The following AGPAT4 variants were observed in gnomAD, a reference collection of about 807,000 sequenced individuals.
The protein encoded by AGPAT4 is 1-acylglycerol-3-phosphate O-acyltransferase 4.
Under a neutral mutation model 48.0 loss-of-function variants are expected in AGPAT4, and 15 were observed. That is an observed-to-expected ratio of 0.31 (90% confidence interval 0.21 to 0.48). The LOEUF is 0.48. Among genes scored for constraint, AGPAT4 ranks in the 20% least tolerant of loss-of-function variants. The probability of loss-of-function intolerance (pLI) is 0.99; values close to 1 mark genes in which losing one functional copy is unlikely to be tolerated. For synonymous variants in AGPAT4, 178 were observed against 198.7 expected, an observed-to-expected ratio of 0.90 and a Z score of 0.88; for missense variants, 314 against 482.5, an observed-to-expected ratio of 0.65 and a Z score of 3.27.
rs1273334835 is a variant in AGPAT4, at chr6:161,238,489, T to G, written c.-89-6187A>C. Among the ~76,000 whole-genome samples, 1 of 152,238 alleles carries G rather than the reference T, an allele frequency of 6.6e-6. No homozygotes were observed. On this transcript the variant is annotated intron_variant, in intron 1 of 8. Coordinates refer to ENST00000320285, the MANE Select transcript of AGPAT4 (RefSeq NM_020133.3). The surrounding 1 kb of genome is among the most constrained non-coding windows in gnomAD (Gnocchi z 5.2). ...CTAGATCAAGACATTGTCTTTAATT[T>G]ACCTGTAATGTGTTAAAGCATCCTC...
chr6:161,250,556 T>A (rs1432734615), intron 1 of AGPAT4, among the ~76,000 whole-genome samples: 1 of 152,172 alleles, frequency 6.6e-6, no homozygotes, highest in Non-Finnish European at 1.5e-5. Flanking sequence ...AATAGTGCAA[T>A]GTTTAGCAAT....
At position 161,231,941 on chromosome 6, in the gene AGPAT4, A is replaced by T. The variant is rs1468331062; in HGVS notation, c.178+95T>A. 7.8e-7 allele frequency: 1 copy of T among 1,289,244 alleles called. No individual in the cohort carries two copies. The highest frequency in any genetic ancestry group is 1.5e-5 in the African/African-American group (1 of 67,332). The allele number at this position is 1,289,244 out of a possible 1,614,324, so 79.9% of individuals were successfully genotyped here. On this transcript the variant is annotated intron_variant, in intron 2 of 8. Transcript: ENST00000320285. This position sits in a 1 kb window ranked among gnomAD's most constrained non-coding sequence, Gnocchi z 5.3. ...AAACAAAACAAAAAAACAGCTCGGC[A>T]CACAACGAAAGCCTAGTGAATCCAT...
In AGPAT4 at chr6:161,259,181, A is replaced by G. The variant is rs538870857; in HGVS notation, c.-90+14757T>C. On this transcript the variant is annotated intron_variant, in intron 1 of 8. Coordinates refer to ENST00000320285, the MANE Select transcript of AGPAT4 (RefSeq NM_020133.3). The surrounding 1 kb of genome is among the most constrained non-coding windows in gnomAD (Gnocchi z 4.9). ...GTTATGATATACGTTTACACCGTGA[A>G]ATGATTAAATGAAGCTCGCTAACGT... Among the ~76,000 whole-genome samples, 1 of 152,300 alleles carries G rather than the reference A, an allele frequency of 6.6e-6. No homozygotes were observed. Among genetic ancestry groups the G allele is most frequent in the Admixed American group, 6.5e-5 (1 of 15,294 alleles).
chr6:161,130,645 AAG>A lies in AGPAT4; in HGVS notation c.*5893_*5894del, dbSNP rs1778870694. 1.5e-5 allele frequency: 4 copies of A among 272,896 alleles called. No individual in the cohort carries two copies. The highest frequency in any genetic ancestry group is 3.9e-5 in the South Asian group (1 of 25,960). The allele number at this position is 272,896 out of a possible 1,614,324, so 16.9% of individuals were successfully genotyped here. A position where few individuals can be genotyped will look rare whatever the true frequency, so the allele number is the denominator to read the frequency against. On this transcript the variant is annotated 3_prime_UTR_variant, in exon 9 of 9. Coordinates refer to ENST00000320285, the MANE Select transcript of AGPAT4 (RefSeq NM_020133.3). ...TCTCTTTCCTTGATAGAACAAGCAA[AAG>A]AGGGGCTGATCCATCTCCCGTGAAC...
In AGPAT4 at chr6:161,235,069, T is replaced by C. The variant is rs945049292; in HGVS notation, c.-89-2767A>G. Among the ~76,000 whole-genome samples, 7 of 151,984 alleles carry C rather than the reference T, an allele frequency of 4.6e-5. No homozygotes were observed. Among genetic ancestry groups the C allele is most frequent in the Non-Finnish European group, 1.0e-4 (7 of 68,020 alleles). On this transcript the variant is annotated intron_variant, in intron 1 of 8. Transcript: ENST00000320285. This position sits in a 1 kb window ranked among gnomAD's most constrained non-coding sequence, Gnocchi z 6.2. ...TTGAGTTTCAGCTCCACTTCTGTCC[T>C]CAAGGCCCATTTCCTAGCCTGGTGT...
In AGPAT4 at chr6:161,144,790, C is replaced by T. The variant is rs1012195984; in HGVS notation, c.843+1734G>A. Among the ~76,000 whole-genome samples, 15 of 152,124 alleles carry T rather than the reference C, an allele frequency of 9.9e-5. No individual in the cohort carries two copies. Among genetic ancestry groups the T allele is most frequent in the Admixed American group, 9.2e-4 (14 of 15,278 alleles). The stretch of plus-strand genomic sequence containing the variant: ...CCTTGTGAGATCGAGACCATCCTGG[C>T]AAACACGGTGAAACCCCGTCTCTAC... On this transcript the variant is annotated intron_variant, in intron 7 of 8. Coordinates refer to ENST00000320285, the MANE Select transcript of AGPAT4 (RefSeq NM_020133.3). The surrounding 1 kb of genome is among the most constrained non-coding windows in gnomAD (Gnocchi z 6.6).
rs1212150976 is a variant in AGPAT4 at position 161,134,496 on chromosome 6, G to C, written c.*2044C>G. ...TTTCTAGTCTTTCATCCTTGGCTTA[G>C]TGCTTTAGGATTCTTAAAGTGTGCT... On this transcript the variant is annotated 3_prime_UTR_variant, in exon 9 of 9. Transcript: ENST00000320285. The C allele has an allele frequency of 2.0e-5, 3 of 152,120 alleles. No homozygotes were observed. In the South Asian group the frequency reaches 6.2e-4, roughly 32 times the overall value. The allele number at this position is 152,120 out of a possible 1,614,324, so 9.4% of individuals were successfully genotyped here.
At position 161,216,034 on chromosome 6, in the gene AGPAT4, T is replaced by C. The variant is rs1583336985; in HGVS notation, c.178+16002A>G. On this transcript the variant is annotated intron_variant, in intron 2 of 8. Transcript: ENST00000320285. The surrounding 1 kb of genome is among the most constrained non-coding windows in gnomAD (Gnocchi z 4.8). Reference sequence around the variant, plus strand: ...CCTCTCTTAACCGCACCATGTCCAGTTGACGAGGATTAAAGAAAACAAACA... The same window carrying C: ...CCTCTCTTAACCGCACCATGTCCAGCTGACGAGGATTAAAGAAAACAAACA... Among the ~76,000 whole-genome samples the C allele has an allele frequency of 2.0e-5, 3 of 152,310 alleles. No homozygotes were observed. In the South Asian group the frequency reaches 6.2e-4, roughly 32 times the overall value.
rs1020042843 is a variant in AGPAT4, at chr6:161,235,495, T to C, written c.-89-3193A>G. Among the ~76,000 whole-genome samples, 6 of 152,200 alleles carry C rather than the reference T, an allele frequency of 3.9e-5. No homozygotes were observed. The highest frequency in any genetic ancestry group is 9.6e-5 in the African/African-American group (4 of 41,456). ...ACATACGTCTTAAGTTCATTCCAGA[T>C]AGACGTTTTGGGGACCCATCTGGAT... On this transcript the variant is annotated intron_variant, in intron 1 of 8. Coordinates refer to ENST00000320285, the MANE Select transcript of AGPAT4 (RefSeq NM_020133.3). This position sits in a 1 kb window ranked among gnomAD's most constrained non-coding sequence, Gnocchi z 6.2.
rs12210088 is a variant in AGPAT4, at chr6:161,230,472, A to G, written c.178+1564T>C. ...AATAGAGACCAACTGCTAGAGGGTAAAAAGACATTTAAAATTATAAACATC... is the reference window on the plus strand; with the variant it reads ...AATAGAGACCAACTGCTAGAGGGTAGAAAGACATTTAAAATTATAAACATC... On this transcript the variant is annotated intron_variant, in intron 2 of 8. Coordinates refer to ENST00000320285, the MANE Select transcript of AGPAT4 (RefSeq NM_020133.3). 5.2e-3 allele frequency among the ~76,000 whole-genome samples: 796 copies of G among 152,378 alleles called. 5 individuals are homozygous for G. The highest frequency in any genetic ancestry group is 9.2e-3 in the Non-Finnish European group (629 of 68,030).
Position 161,171,332 on chromosome 6 carries a change from T to C in AGPAT4, c.179-4915A>G, listed in dbSNP as rs1262406990. ...ACAAAGAACAGAGATTTATTTCTTA[T>C]AGTTCTGGAGGCTGGGAAGTCCAAA... is the stretch of plus-strand genomic sequence containing the variant. On this transcript the variant is annotated intron_variant, in intron 2 of 8. Transcript: ENST00000320285. This position sits in a 1 kb window ranked among gnomAD's most constrained non-coding sequence, Gnocchi z 4.4. 1.3e-5 allele frequency among the ~76,000 whole-genome samples: 2 copies of C among 152,244 alleles called. No homozygotes were observed. Among genetic ancestry groups the C allele is most frequent in the East Asian group, 1.9e-4 (1 of 5,202 alleles).
rs761563288 is a variant in AGPAT4 at position 161,155,739 on chromosome 6, C to T, written c.349-1429G>A. ...CTCCAGGGGACTCCGGGAACATCCC[C>T]GTGGGTGGGTGAACCCACTGGTGCG... On this transcript the variant is annotated intron_variant, in intron 3 of 8. Transcript: ENST00000320285. This position sits in a 1 kb window ranked among gnomAD's most constrained non-coding sequence, Gnocchi z 5.8. 1.3e-5 allele frequency among the ~76,000 whole-genome samples: 2 copies of T among 152,234 alleles called. No individual in the cohort carries two copies. Among genetic ancestry groups the T allele is most frequent in the Admixed American group, 6.5e-5 (1 of 15,290 alleles).
chr6:161,229,260 C>T lies in AGPAT4; in HGVS notation c.178+2776G>A, dbSNP rs1352187600. Among the ~76,000 whole-genome samples, 1 of 152,220 alleles carries T rather than the reference C, an allele frequency of 6.6e-6. No homozygotes were observed. The highest frequency in any genetic ancestry group is 6.5e-5 in the Admixed American group (1 of 15,290). On this transcript the variant is annotated intron_variant, in intron 2 of 8. Transcript: ENST00000320285. The surrounding 1 kb of genome is among the most constrained non-coding windows in gnomAD (Gnocchi z 6.0). ...TGCCGTTTCCTTAGAAAATCAGCTG[C>T]AAATCATGAATGCTGATGACTGTCT... is the stretch of plus-strand genomic sequence containing the variant.
chr6:161,158,296 C>T lies in AGPAT4; in HGVS notation c.349-3986G>A, dbSNP rs1254668718. Among the ~76,000 whole-genome samples, 3 of 152,192 alleles carry T rather than the reference C, an allele frequency of 2.0e-5. No homozygotes were observed. Among genetic ancestry groups the T allele is most frequent in the Admixed American group, 2.0e-4 (3 of 15,284 alleles). ...ATGGCTTTCCCAGGCCACTCAGAGG[C>T]TTCCATGTGTGATGCCAACAGCTTT... On this transcript the variant is annotated intron_variant, in intron 3 of 8. Coordinates refer to ENST00000320285, the MANE Select transcript of AGPAT4 (RefSeq NM_020133.3). The surrounding 1 kb of genome is among the most constrained non-coding windows in gnomAD (Gnocchi z 5.3).
At chr6:161,181,965 C>G (rs1780611065) in intron 2 of AGPAT4, among the ~76,000 whole-genome samples, 1 of 152,036 alleles carries the variant, frequency 6.6e-6, no homozygotes, top group African/African-American at 2.4e-5. Flanking sequence ...AATGATAGTC[C>G]CTCTGCAGTA....
chr6:161,161,631 C>G lies in AGPAT4; in HGVS notation c.348+4617G>C. 1 of 371,934 alleles carries G rather than the reference C, an allele frequency of 2.7e-6. No homozygotes were observed. Among genetic ancestry groups the G allele is most frequent in the South Asian group, 2.0e-5 (1 of 50,970 alleles). 23.0% of individuals were successfully genotyped at this position (371,934 alleles called of 1,614,324 possible). A position where few individuals can be genotyped will look rare whatever the true frequency, so the allele number is the denominator to read the frequency against. On this transcript the variant is annotated intron_variant, in intron 3 of 8. Coordinates refer to ENST00000320285, the MANE Select transcript of AGPAT4 (RefSeq NM_020133.3). This position sits in a 1 kb window ranked among gnomAD's most constrained non-coding sequence, Gnocchi z 4.6. ...GTGGGCATATCTGCTGAAAATACCC[C>G]TCCATATCTGGAAACTTCTAACTTC...
In AGPAT4 at chr6:161,165,349, C is replaced by T. The variant is rs1434981648; in HGVS notation, c.348+899G>A. Among the ~76,000 whole-genome samples the T allele has an allele frequency of 6.6e-6, 1 of 152,178 alleles. No homozygotes were observed. On this transcript the variant is annotated intron_variant, in intron 3 of 8. Transcript: ENST00000320285. The surrounding 1 kb of genome is among the most constrained non-coding windows in gnomAD (Gnocchi z 5.5). ...CCAGACCCGTCTAGTTCCCTATGTC[C>T]TCCATGGCCTGATAGCCTCTGTCTC...
chr6:161,223,475 C>T lies in AGPAT4; in HGVS notation c.178+8561G>A, dbSNP rs181224370. On this transcript the variant is annotated intron_variant, in intron 2 of 8. Transcript: ENST00000320285. The surrounding 1 kb of genome is among the most constrained non-coding windows in gnomAD (Gnocchi z 6.3). The stretch of plus-strand genomic sequence containing the variant: ...TTAGGCAAGTCATCCAACCTCTCGC[C>T]TCATTTAACAGGTGAATTGCCTGTT... 6.6e-6 allele frequency among the ~76,000 whole-genome samples: 1 copy of T among 152,284 alleles called. No individual in the cohort carries two copies. The highest frequency in any genetic ancestry group is 6.5e-5 in the Admixed American group (1 of 15,308).
chr6:161,194,606 C>G (rs1328577791), intron 2 of AGPAT4, among the ~76,000 whole-genome samples: 1 of 149,836 alleles, frequency 6.7e-6, no homozygotes, highest in East Asian at 2.0e-4. Context: ...GTATGTGTGT[C>G]TATGTATGTG....
Sources: allele counts gnomAD v4.1 joint callset (sites outside exome capture counted in the v4.1 genomes callset), GRCh38; gene constraint gnomAD v4.1.1; non-coding constraint Gnocchi (gnomAD v3.1); transcripts MANE v1.5; gene names NCBI Gene and HGNC (gene_info 2026-07-23, HGNC 2026-07-21).